Variants in PARM1 observed in about 807,000 individuals in gnomAD.
PARM1 encodes the protein WSC4, cell wall integrity and stress response component 4 homolog.
Under a neutral mutation model 24.6 loss-of-function variants are expected in PARM1, and 14 were observed. That is an observed-to-expected ratio of 0.57 (90% CI 0.38 to 0.89). The LOEUF (loss-of-function observed/expected upper bound fraction) is 0.89. PARM1 is among the 40% of genes least tolerant of loss of function. PARM1 has a pLI of 0.00. For synonymous variants in PARM1, 179 were observed against 156.6 expected, an observed-to-expected ratio of 1.14 and a Z score of -1.07; for missense variants, 362 against 380.4, an observed-to-expected ratio of 0.95 and a Z score of 0.40.
At chr4:74,996,586 G>T (rs1034949148) in intron 1 of PARM1, among the ~76,000 whole-genome samples, 4 of 152,146 alleles carry the variant, frequency 2.6e-5, no homozygotes, top group African/African-American at 9.7e-5. Flanking sequence ...TGTGCAGCTG[G>T]AATGATGGGA....
At chr4:74,963,561 G>A (rs537665850) in intron 1 of PARM1, among the ~76,000 whole-genome samples, 7 of 152,228 alleles carry the variant, frequency 4.6e-5, no homozygotes, top group South Asian at 2.1e-4. Context: ...ATAAAAGGTC[G>A]CATATTATAG....
chr4:74,985,407 C>T (rs757118775), intron 1 of PARM1, among the ~76,000 whole-genome samples: 7 of 152,154 alleles, frequency 4.6e-5, no homozygotes, highest in Non-Finnish European at 7.4e-5. Context: ...GGTGCAGATG[C>T]TGGGGCCCAT....
intron 2 of PARM1, among the ~76,000 whole-genome samples, chr4:75,031,867 T>C (rs779077241): frequency 5.3e-5 from 8 of 152,236 alleles, no homozygotes; most frequent in Non-Finnish European, 7.3e-5. Flanking sequence ...CCTTACCCTA[T>C]GGTTGTAACC....
intron 2 of PARM1, among the ~76,000 whole-genome samples, chr4:75,024,802 G>A (rs563564783): frequency 2.4e-4 from 36 of 152,196 alleles, no homozygotes; most frequent in African/African-American, 7.7e-4. Context: ...GGGTTCAAGC[G>A]ATTCTCCTGC....
rs548364519 is a variant in PARM1 at position 75,044,567 on chromosome 4, A to T, written c.849-1596A>T. ...TAATCCATACCTGCATGGAGGTTAC[A>T]GTCTAGTTCTGGAAGAGAAGCAATA... is the stretch of plus-strand genomic sequence containing the variant. On this transcript the variant is annotated intron_variant, in intron 3 of 3. Transcript: ENST00000307428. Among the ~76,000 whole-genome samples, 121 of 152,336 alleles carry T rather than the reference A, an allele frequency of 7.9e-4. No homozygotes were observed. The Middle Eastern group carries it at 0.01, about 13-fold the overall frequency.
rs1292302650 is a variant in PARM1 at position 75,048,445 on chromosome 4, A to G, written c.*2198A>G. On this transcript the variant is annotated 3_prime_UTR_variant, in exon 4 of 4. Transcript: ENST00000307428. ...CTTGAGTAACTGTCTCTCTTTCCCC[A>G]CCCCCATCACAGGGCTTTCAGTTTG... The G allele has an allele frequency of 1.3e-5, 2 of 151,916 alleles. No individual in the cohort carries two copies. Among genetic ancestry groups the G allele is most frequent in the Non-Finnish European group, 2.9e-5 (2 of 67,996 alleles). 9.4% of individuals were successfully genotyped at this position (151,916 alleles called of 1,614,324 possible). A position where few individuals can be genotyped will look rare whatever the true frequency, so the allele number is the denominator to read the frequency against.
intron 1 of PARM1, among the ~76,000 whole-genome samples, chr4:75,000,710 G>A (rs1722664793): frequency 6.6e-6 from 1 of 152,228 alleles, no homozygotes; most frequent in East Asian, 1.9e-4. Context: ...CTACAAAAGA[G>A]CCTTTAGCTT....
intron 1 of PARM1, among the ~76,000 whole-genome samples, chr4:75,005,824 C>G (rs1722758989): frequency 6.6e-6 from 1 of 152,222 alleles, no homozygotes; most frequent in African/African-American, 2.4e-5. Flanking sequence ...GGAACCACTG[C>G]TATCTGTAAA....
intron 1 of PARM1, among the ~76,000 whole-genome samples, chr4:74,986,534 T>C (rs964766063): frequency 1.1e-4 from 17 of 152,188 alleles, no homozygotes; most frequent in African/African-American, 3.9e-4. Context: ...AGAGAGGCAT[T>C]GTGCATATGT....
intron 1 of PARM1, among the ~76,000 whole-genome samples, chr4:74,945,447 C>T (rs73826591): frequency 0.026 from 3,934 of 152,160 alleles, 164 homozygotes; most frequent in African/African-American, 0.09. Context: ...CTACAGCCCT[C>T]GAAAATAAGA....
intron 2 of PARM1, among the ~76,000 whole-genome samples, chr4:75,017,943 A>G (rs893309806): frequency 4.6e-5 from 7 of 152,268 alleles, no homozygotes; most frequent in Non-Finnish European, 1.0e-4. Context: ...TAATAAATTT[A>G]TAGCATATGG....
At chr4:74,988,213 A>G (rs1211474140) in intron 1 of PARM1, among the ~76,000 whole-genome samples, 1 of 152,214 alleles carries the variant, frequency 6.6e-6, no homozygotes, top group African/African-American at 2.4e-5. Context: ...GATAATTTGC[A>G]CAACTGTGGG....
At chr4:75,028,933 C>A (rs1349780239) in intron 2 of PARM1, among the ~76,000 whole-genome samples, 1 of 151,988 alleles carries the variant, frequency 6.6e-6, no homozygotes, top group East Asian at 1.9e-4. Context: ...AAAGAAAATC[C>A]CTCAATGAGA....
chr4:75,033,087 A>T (rs978785916), intron 2 of PARM1, among the ~76,000 whole-genome samples: 1 of 152,200 alleles, frequency 6.6e-6, no homozygotes, highest in South Asian at 2.1e-4. Flanking sequence ...GAGTTTTTTT[A>T]AACTGCCCAT....
chr4:74,951,053 T>C (rs17000019), intron 1 of PARM1, among the ~76,000 whole-genome samples: 8,340 of 152,322 alleles, frequency 0.055, 770 homozygotes, highest in African/African-American at 0.19. Context: ...ACTTTAATGT[T>C]GCTCCTTGGA....
At chr4:75,001,998 C>T (rs751017300) in intron 1 of PARM1, among the ~76,000 whole-genome samples, 2 of 152,152 alleles carry the variant, frequency 1.3e-5, no homozygotes, top group Admixed American at 6.5e-5. Flanking sequence ...ACTGATTCAC[C>T]GAAAAGAAGG....
chr4:74,998,632 T>A (rs6533973), intron 1 of PARM1, among the ~76,000 whole-genome samples: 31,746 of 152,116 alleles, frequency 0.21, 4,032 homozygotes, highest in East Asian at 0.35. Flanking sequence ...ACAAAATTAA[T>A]AGGTTACCTT....
In PARM1 at chr4:74,939,274, A is replaced by C. The variant is rs563056825; in HGVS notation, c.43+5904A>C. Reference sequence around the variant, plus strand: ...GTTCATGGGAAAACATGGAGATTTAAGAGCAGCTCTCTGGGTTAGCAACTA... The same window carrying C: ...GTTCATGGGAAAACATGGAGATTTACGAGCAGCTCTCTGGGTTAGCAACTA... On this transcript the variant is annotated intron_variant, in intron 1 of 3. Coordinates refer to ENST00000307428, the MANE Select transcript of PARM1 (RefSeq NM_015393.4). Among the ~76,000 whole-genome samples the C allele has an allele frequency of 2.6e-5, 4 of 152,298 alleles. No individual in the cohort carries two copies. The South Asian group carries it at 8.3e-4, about 32-fold the overall frequency.
intron 1 of PARM1, among the ~76,000 whole-genome samples, chr4:74,983,241 A>G (rs188241078): frequency 6.6e-6 from 1 of 152,328 alleles, no homozygotes; most frequent in East Asian, 1.9e-4. Context: ...GTCACTGAAT[A>G]TGGTCTGGGA....
Sources: gnomAD v4.1 joint callset for allele counts (sites outside exome capture counted in the v4.1 genomes callset) on GRCh38, gnomAD v4.1.1 for gene constraint, MANE v1.5 for transcripts, NCBI Gene and HGNC (gene_info 2026-07-23, HGNC 2026-07-21) for gene names.